Variants in UCK2 observed in about 807,000 individuals in gnomAD.
UCK2 encodes cytidine monophosphokinase 2.
In UCK2, 6 loss-of-function variants were observed where a neutral mutation model predicts 30.8. That is an observed-to-expected ratio of 0.19 (90% CI 0.11 to 0.38). UCK2 has a LOEUF of 0.38. UCK2 is among the 10% of genes least tolerant of loss of function. The pLI, the probability that UCK2 is intolerant of heterozygous loss-of-function variation, is 1.00. For synonymous variants in UCK2, 125 were observed against 133.6 expected (o/e 0.94, Z 0.45); for missense variants, 210 against 339.8 (o/e 0.62, Z 3.00).
At chr1:165,886,289 C>CT (rs1020795994) in intron 1 of UCK2, among the ~76,000 whole-genome samples, 3 of 151,948 alleles carry the variant, frequency 2.0e-5, no homozygotes, top group African/African-American at 7.3e-5. Context: ...TCTTTCTTTT[C>CT]TTTTTTTCTC....
rs1647220292 is a variant in UCK2 at position 165,895,941 on chromosome 1, AT to A, written c.357-246del. On this transcript the variant is annotated intron_variant, in intron 3 of 6. Coordinates refer to ENST00000367879, the MANE Select transcript of UCK2 (RefSeq NM_012474.5). The stretch of plus-strand genomic sequence containing the variant: ...CCAAGGAGAAGGATGTCTGCCGTGT[AT>A]TTCTGTTTCATGGTGAAAGCTCAGA... 7.6e-6 allele frequency: 3 copies of A among 395,946 alleles called. No homozygotes were observed. The South Asian group carries it at 1.9e-4, about 25-fold the overall frequency. 24.5% of individuals were successfully genotyped at this position (395,946 alleles called of 1,614,324 possible).
At chr1:165,866,594 A>G (rs1257389625) in intron 1 of UCK2, among the ~76,000 whole-genome samples, 1 of 152,212 alleles carries the variant, frequency 6.6e-6, no homozygotes, top group African/African-American at 2.4e-5. Flanking sequence ...ATGTTGTTAT[A>G]CAACCGTCAC....
At chr1:165,832,692 C>A (rs1462612692) in intron 1 of UCK2, among the ~76,000 whole-genome samples, 1 of 151,994 alleles carries the variant, frequency 6.6e-6, no homozygotes, top group African/African-American at 2.4e-5. Context: ...CACTACAACT[C>A]CTGCGATTCT....
chr1:165,903,364 T>G, intron 5 of UCK2, 85 bp downstream of exon 5: 1 of 1,172,640 alleles, frequency 8.5e-7, no homozygotes, highest in Non-Finnish European at 1.2e-6. Context: ...TTTGTGGAGC[T>G]CCCCTGCCTG....
chr1:165,835,337 A>G (rs1182756469), intron 1 of UCK2, among the ~76,000 whole-genome samples: 2 of 151,352 alleles, frequency 1.3e-5, no homozygotes, highest in Non-Finnish European at 2.9e-5. Flanking sequence ...ATATGTTGTA[A>G]AAATATGTAT....
rs1654221221 is a variant in UCK2 at position 165,837,362 on chromosome 1, A to C, written c.99+9430A>C. ...ACTGGTCACACAAAGTACTTCTTGAATCTGAACCTGTGTAAGTGGTAGTCA... is the reference window on the plus strand; with the variant it reads ...ACTGGTCACACAAAGTACTTCTTGACTCTGAACCTGTGTAAGTGGTAGTCA... On this transcript the variant is annotated intron_variant, in intron 1 of 6. Transcript: ENST00000367879. Among the ~76,000 whole-genome samples the C allele has an allele frequency of 2.0e-5, 3 of 152,204 alleles. No homozygotes were observed. In the South Asian group the frequency reaches 6.2e-4, roughly 32 times the overall value.
chr1:165,875,914 G>A (rs993836030), intron 1 of UCK2, among the ~76,000 whole-genome samples: 1 of 152,100 alleles, frequency 6.6e-6, no homozygotes, highest in African/African-American at 2.4e-5. Flanking sequence ...TCTCAGGGGA[G>A]GGTTTGAGAC....
chr1:165,863,012 C>T (rs1421959952), intron 1 of UCK2, among the ~76,000 whole-genome samples: 3 of 152,078 alleles, frequency 2.0e-5, no homozygotes. Context: ...CTCAACTGTC[C>T]CCAGCCAGAT....
chr1:165,889,631 T>C lies in UCK2; in HGVS notation c.100-573T>C, dbSNP rs139470873. On this transcript the variant is annotated intron_variant, in intron 1 of 6. Transcript: ENST00000367879. ...GTTAAGGGAAGGGAGGAAGGAACTT[T>C]GGGGATCCTAAGACTTCTCTGTCAC... is the stretch of plus-strand genomic sequence containing the variant. Among the ~76,000 whole-genome samples the C allele has an allele frequency of 2.8e-3, 430 of 151,362 alleles. 4 individuals are homozygous for C. The highest frequency in any genetic ancestry group is 9.6e-3 in the African/African-American group (397 of 41,198).
At chr1:165,858,488 G>GC (rs1339612099) in intron 1 of UCK2, among the ~76,000 whole-genome samples, 1 of 152,184 alleles carries the variant, frequency 6.6e-6, no homozygotes, top group Non-Finnish European at 1.5e-5. Context: ...GCAACCAGCT[G>GC]CTCTGATAGG....
chr1:165,846,363 C>CCTA (rs1486536396), intron 1 of UCK2, among the ~76,000 whole-genome samples: 17 of 152,296 alleles, frequency 1.1e-4, no homozygotes, highest in Admixed American at 3.3e-4. Context: ...GTATTGAATT[C>CCTA]CTATGGGTAT....
intron 1 of UCK2, among the ~76,000 whole-genome samples, chr1:165,882,514 G>A (rs936555661): frequency 6.6e-6 from 1 of 152,146 alleles, no homozygotes; most frequent in Non-Finnish European, 1.5e-5. Flanking sequence ...GATTCATGAA[G>A]AACAGAAATT....
At chr1:165,883,810 A>G (rs1390769368) in intron 1 of UCK2, among the ~76,000 whole-genome samples, 2 of 152,320 alleles carry the variant, frequency 1.3e-5, no homozygotes, top group South Asian at 4.2e-4. Flanking sequence ...GAAAAAAGAA[A>G]AGAATAGATG....
chr1:165,841,875 T>TCTTGTGTC (rs1654339953), intron 1 of UCK2, among the ~76,000 whole-genome samples: 1 of 152,218 alleles, frequency 6.6e-6, no homozygotes, highest in Admixed American at 6.5e-5. Context: ...CAGTTATCCC[T>TCTTGTGTC]CTTGTGTCCC....
chr1:165,886,196 C>T (rs1655609217), intron 1 of UCK2, among the ~76,000 whole-genome samples: 2 of 152,312 alleles, frequency 1.3e-5, no homozygotes, highest in South Asian at 4.1e-4. Context: ...CCCACTGTAA[C>T]AGTTGTACCC....
intron 2 of UCK2, chr1:165,890,953 T>G (rs1010427003): frequency 1.3e-5 from 5 of 385,802 alleles, no homozygotes; most frequent in Non-Finnish European, 2.4e-5. Flanking sequence ...ACAGCTAAAC[T>G]TGGAGAGGGG....
chr1:165,858,515 C>T (rs532354589), intron 1 of UCK2, among the ~76,000 whole-genome samples: 36 of 152,226 alleles, frequency 2.4e-4, no homozygotes, highest in Admixed American at 1.6e-3. Flanking sequence ...AACTTGTCCC[C>T]GGAGAGAATG....
chr1:165,875,425 G>A (rs1171138311), intron 1 of UCK2, among the ~76,000 whole-genome samples: 1 of 152,164 alleles, frequency 6.6e-6, no homozygotes, highest in African/African-American at 2.4e-5. Flanking sequence ...GACCGATTGT[G>A]GTGAGAGAGG....
chr1:165,906,208 G>A (rs925040301), intron 6 of UCK2, among the ~76,000 whole-genome samples: 1 of 152,120 alleles, frequency 6.6e-6, no homozygotes, highest in Admixed American at 6.5e-5. Context: ...CAGAATAGAG[G>A]GCTGTAGATT....
Sources: allele counts gnomAD v4.1 joint callset (sites outside exome capture counted in the v4.1 genomes callset), GRCh38; gene constraint gnomAD v4.1.1; transcripts MANE v1.5; gene names NCBI Gene and HGNC (gene_info 2026-07-23, HGNC 2026-07-21).